Variants in TBC1D10B observed in about 807,000 individuals in gnomAD.
The protein encoded by TBC1D10B is TBC1 domain family member 10B.
In TBC1D10B, 25 loss-of-function variants were observed where a neutral mutation model predicts 78.4. That is an observed-to-expected ratio of 0.32 (90% CI 0.23 to 0.45). The LOEUF (loss-of-function observed/expected upper bound fraction) is 0.45. TBC1D10B is among the 20% of genes least tolerant of loss of function. The pLI is 1.00. For synonymous variants in TBC1D10B, 517 were observed against 478.0 expected, an observed-to-expected ratio of 1.08 and a Z score of -1.06; for missense variants, 996 against 1,104.8, an observed-to-expected ratio of 0.90 and a Z score of 1.40.
intron 7 of TBC1D10B, 139 bp downstream of exon 7, chr16:30,359,033 C>T: frequency 7.8e-7 from 1 of 1,279,180 alleles, no homozygotes; most frequent in Middle Eastern, 2.8e-4. Flanking sequence ...AGGCCTGTTT[C>T]TCCAGCCCCC....
rs374390807 is a variant in TBC1D10B at position 30,370,028 on chromosome 16, C to A, written c.156G>T (p.Leu52=). 8.1e-7 allele frequency: 1 copy of A among 1,231,312 alleles called. No individual in the cohort carries two copies. Among genetic ancestry groups the A allele is most frequent in the South Asian group, 4.0e-5 (1 of 25,012 alleles). The allele number at this position is 1,231,312 out of a possible 1,614,324, so 76.3% of individuals were successfully genotyped here. The change falls in exon 1 of 9, where the codon CTG becomes CTT. Residue 52 remains leucine (L), a synonymous_variant. Transcript: ENST00000409939. ...CGGGCCGCGCCTCCCCGGGGGCCAC[C>A]AGGGTGACGGGGGCCGAAGTGGCCG... ...VTTATSAPVT[L]VAPGEARPAW... is the part of the protein sequence containing the mutation.
Position 30,365,469 on chromosome 16 carries a change from C to T in TBC1D10B, c.1056+26G>A, listed in dbSNP as rs529369979. 4.3e-6 allele frequency: 7 copies of T among 1,612,646 alleles called. No homozygotes were observed. In the South Asian group the frequency reaches 6.6e-5, roughly 15 times the overall value. ...GCTACCCCTCCCAACTTGTGCATTG[C>T]CCTGCCCACCATTCAGCCCTCAAAC... On this transcript the variant is annotated intron_variant, in intron 2 of 8. Transcript: ENST00000409939. The surrounding 1 kb of genome is among the most constrained non-coding windows in gnomAD (Gnocchi z 5.0).
At position 30,365,798 on chromosome 16, in the gene TBC1D10B, G is replaced by A; in HGVS notation, c.957-204C>T. On this transcript the variant is annotated intron_variant, in intron 1 of 8. Transcript: ENST00000409939. This position sits in a 1 kb window ranked among gnomAD's most constrained non-coding sequence, Gnocchi z 5.0. ...TTCCCTGATGGATCTCTATTCAGAG[G>A]TCATATTTAAATCTCACTTCTGACA... 1.8e-6 allele frequency: 1 copy of A among 562,304 alleles called. No individual in the cohort carries two copies. The highest frequency in any genetic ancestry group is 3.2e-6 in the Non-Finnish European group (1 of 312,100). The allele number at this position is 562,304 out of a possible 1,614,324, so 34.8% of individuals were successfully genotyped here. A position where few individuals can be genotyped will look rare whatever the true frequency, so the allele number is the denominator to read the frequency against.
rs534581560 is a variant in TBC1D10B, at chr16:30,369,737, G to A, written c.447C>T (p.Pro149=). 6.8e-7 allele frequency: 1 copy of A among 1,465,388 alleles called. No homozygotes were observed. The highest frequency in any genetic ancestry group is 1.4e-5 in the African/African-American group (1 of 69,322). 90.8% of individuals were successfully genotyped at this position (1,465,388 alleles called of 1,614,324 possible). ...RPSPAPGPGT[P]TGTPTRTPSR... Reference sequence around the variant, plus strand: ...AAGGGGTCCTGGTAGGGGTCCCGGTGGGGGTCCCTGGTCCTGGGGCGGGTG... The same window carrying A: ...AAGGGGTCCTGGTAGGGGTCCCGGTAGGGGTCCCTGGTCCTGGGGCGGGTG... Residue 149 remains proline, a synonymous_variant, in exon 1 of 9, where the codon CCC becomes CCT. Transcript: ENST00000409939. This position sits in a 1 kb window ranked among gnomAD's most constrained non-coding sequence, Gnocchi z 4.3.
rs1269056655 is a variant in TBC1D10B, at chr16:30,359,367, G to C, written c.1453-6C>G. 1 of 1,559,750 alleles carries C rather than the reference G, an allele frequency of 6.4e-7. No individual in the cohort carries two copies. The highest frequency in any genetic ancestry group is 1.9e-5 in the Admixed American group (1 of 51,556). ...CCGTCCAGCTGAATGGCCTCCTGCAGGTGGGACAAGCCATGAGAAGAGGGC... is the reference window on the plus strand; with the variant it reads ...CCGTCCAGCTGAATGGCCTCCTGCACGTGGGACAAGCCATGAGAAGAGGGC... On this transcript the variant is annotated splice_polypyrimidine_tract_variant and splice_region_variant and intron_variant, in intron 6 of 8. Transcript: ENST00000409939.
Position 30,365,714 on chromosome 16 carries a change from T to C in TBC1D10B, c.957-120A>G. On this transcript the variant is annotated intron_variant, in intron 1 of 8. Coordinates refer to ENST00000409939, the MANE Select transcript of TBC1D10B (RefSeq NM_015527.4). The surrounding 1 kb of genome is among the most constrained non-coding windows in gnomAD (Gnocchi z 5.0). Reference sequence around the variant, plus strand: ...ACGAGAAACTGGATAGTCTGTGAGCTGCCAAACATCAGGATGTCTGGCCAC... The same window carrying C: ...ACGAGAAACTGGATAGTCTGTGAGCCGCCAAACATCAGGATGTCTGGCCAC... 1.1e-6 allele frequency: 1 copy of C among 938,348 alleles called. No individual in the cohort carries two copies. Among genetic ancestry groups the C allele is most frequent in the Admixed American group, 2.0e-5 (1 of 50,130 alleles). 58.1% of individuals were successfully genotyped at this position (938,348 alleles called of 1,614,324 possible).
chr16:30,361,874 A>G lies in TBC1D10B; in HGVS notation c.1272-2033T>C, dbSNP rs2049601326. 1.4e-5 allele frequency among the ~76,000 whole-genome samples: 2 copies of G among 144,914 alleles called. 1 individual carries two copies. The highest frequency in any genetic ancestry group is 1.4e-4 in the Admixed American group (2 of 14,722). On this transcript the variant is annotated intron_variant, in intron 4 of 8. Coordinates refer to ENST00000409939, the MANE Select transcript of TBC1D10B (RefSeq NM_015527.4). ...CTAATTTTTTTTTTTTTGAGACAGA[A>G]TCTCCTCTGTCGCCCAGGCTGGAGT...
Position 30,369,511 on chromosome 16 carries a change from C to T in TBC1D10B, c.673G>A (p.Glu225Lys). 1 of 1,551,174 alleles carries T rather than the reference C, an allele frequency of 6.4e-7. No homozygotes were observed. Among genetic ancestry groups the T allele is most frequent in the African/African-American group, 1.4e-5 (1 of 73,154 alleles). ...GPGTGPSGTC[E>K]APVAVVTVTP... ...ACGGTCACGACAGCTACCGGAGCCT[C>T]ACAAGTCCCAGAGGGGCCTGTGCCA... The change falls in exon 1 of 9, where the codon GAG becomes AAG. Residue 225 changes from glutamate (E) to lysine (K), a missense_variant. Physicochemically the swap from Glu to Lys is moderately conservative, Grantham distance 56 (BLOSUM62 1). Transcript: ENST00000409939. This position sits in a 1 kb window ranked among gnomAD's most constrained non-coding sequence, Gnocchi z 4.3.
At chr16:30,364,855 C>G in intron 4 of TBC1D10B, 45 bp downstream of exon 4, 1 of 1,542,588 alleles carries the variant, frequency 6.5e-7, no homozygotes, top group Non-Finnish European at 8.8e-7. Context: ...GGTGGATCCT[C>G]CAGCCAATGT....
In TBC1D10B at chr16:30,369,587, G is replaced by A. The variant is rs918449444; in HGVS notation, c.597C>T (p.Ala199=). The change falls in exon 1 of 9, where the codon GCC becomes GCT. Residue 199 remains alanine (A), a synonymous_variant. Coordinates refer to ENST00000409939, the MANE Select transcript of TBC1D10B (RefSeq NM_015527.4). The surrounding 1 kb of genome is among the most constrained non-coding windows in gnomAD (Gnocchi z 4.3). ...GTCCTGCTGATGCTGATGTTGCTGCGGCAGCTCCATGCCCACCTGTCACTT... is the reference window on the plus strand; with the variant it reads ...GTCCTGCTGATGCTGATGTTGCTGCAGCAGCTCCATGCCCACCTGTCACTT... ...SGQVTGGHGA[A]AATSASAGQA... 1.3e-6 allele frequency: 2 copies of A among 1,529,786 alleles called. No individual in the cohort carries two copies. Among genetic ancestry groups the A allele is most frequent in the African/African-American group, 2.8e-5 (2 of 72,300 alleles). The allele number at this position is 1,529,786 out of a possible 1,614,324, so 94.8% of individuals were successfully genotyped here.
At position 30,358,021 on chromosome 16, in the gene TBC1D10B, T is replaced by C. The variant is rs2049566460; in HGVS notation, c.2350A>G (p.Lys784Glu). The C allele has an allele frequency of 4.5e-6, 7 of 1,551,812 alleles. No individual in the cohort carries two copies. The highest frequency in any genetic ancestry group is 6.1e-6 in the Non-Finnish European group (7 of 1,146,992). The change falls in exon 9 of 9, where the codon AAG becomes GAG. Residue 784 changes from lysine (K) to glutamate (E), a missense_variant. Coordinates refer to ENST00000409939, the MANE Select transcript of TBC1D10B (RefSeq NM_015527.4). ...AQGRKLSLRR[K>E]ADGPPGPHDG... ...TGGGGGCCTGGGGGCCCATCTGCCT[T>C]TCGACGCAGCGAAAGCTTCCGGCCT...
rs199977791 is a variant in TBC1D10B, at chr16:30,358,643, C to T, written c.1797+20G>A. ...AGCGGGCTGAGGCAGGCAGGGGCTG[C>T]GTTGAGGGCACAGGCCTACCTCATG... On this transcript the variant is annotated intron_variant, in intron 8 of 8. Coordinates refer to ENST00000409939, the MANE Select transcript of TBC1D10B (RefSeq NM_015527.4). 3.9e-5 allele frequency: 62 copies of T among 1,593,094 alleles called. 1 individual carries two copies. The Admixed American group carries it at 5.7e-4, about 15-fold the overall frequency.
At position 30,358,442 on chromosome 16, in the gene TBC1D10B, G is replaced by A. The variant is rs368427349; in HGVS notation, c.1929C>T (p.His643=). 2.9e-5 allele frequency: 46 copies of A among 1,589,220 alleles called. No homozygotes were observed. Among genetic ancestry groups the A allele is most frequent in the Middle Eastern group, 3.3e-4 (2 of 6,056 alleles). ...GTGGCTGTTGCCGCCGGCGCTCCTCGTGGATGGCCCGGGACCCATGCAGTC... is the reference window on the plus strand; with the variant it reads ...GTGGCTGTTGCCGCCGGCGCTCCTCATGGATGGCCCGGGACCCATGCAGTC... ...SRRLHGSRAI[H]EERRRQQPPL... The change falls in exon 9 of 9, where the codon CAC becomes CAT. Residue 643 remains histidine (H), a synonymous_variant. Coordinates refer to ENST00000409939, the MANE Select transcript of TBC1D10B (RefSeq NM_015527.4).
In TBC1D10B at chr16:30,370,438, AGCCGCCGACCTCGCGCCTGCGCACAC is replaced by A. The variant is rs1208764843; in HGVS notation, c.-281_-256del. Among the ~76,000 whole-genome samples the A allele has an allele frequency of 6.6e-6, 1 of 151,828 alleles. No individual in the cohort carries two copies. Among genetic ancestry groups the A allele is most frequent in the Non-Finnish European group, 1.5e-5 (1 of 67,928 alleles). On this transcript the variant is annotated 5_prime_UTR_variant, in exon 1 of 9. Transcript: ENST00000409939. ...GCCCCCTCCCTCCTGCTTGGGGGCG[AGCCGCCGACCTCGCGCCTGCGCACAC>A]GCCGCAGAGCCGGCTCCGCGCCAGC...
At position 30,365,304 on chromosome 16, in the gene TBC1D10B, C is replaced by T. The variant is rs2049628127; in HGVS notation, c.1057-92G>A. The T allele has an allele frequency of 4.6e-6, 6 of 1,295,284 alleles. No homozygotes were observed. Among genetic ancestry groups the T allele is most frequent in the Non-Finnish European group, 2.2e-6 (2 of 906,230 alleles). The allele number at this position is 1,295,284 out of a possible 1,614,324, so 80.2% of individuals were successfully genotyped here. A position where few individuals can be genotyped will look rare whatever the true frequency, so the allele number is the denominator to read the frequency against. On this transcript the variant is annotated intron_variant, in intron 2 of 8. Coordinates refer to ENST00000409939, the MANE Select transcript of TBC1D10B (RefSeq NM_015527.4). This position sits in a 1 kb window ranked among gnomAD's most constrained non-coding sequence, Gnocchi z 5.0. ...GTCCACAAACTCCCTGGATACTCCTCCGACATCCCATAGGCTTGATTCCAC... is the reference window on the plus strand; with the variant it reads ...GTCCACAAACTCCCTGGATACTCCTTCGACATCCCATAGGCTTGATTCCAC...
chr16:30,361,851 A>G (rs76901864), intron 4 of TBC1D10B, among the ~76,000 whole-genome samples: 1 of 146,054 alleles, frequency 6.8e-6, no homozygotes, highest in Non-Finnish European at 1.5e-5. Context: ...ACACCAAGCT[A>G]ATTTTTTTTT....
chr16:30,365,722 A>C lies in TBC1D10B; in HGVS notation c.957-128T>G. On this transcript the variant is annotated intron_variant, in intron 1 of 8. Coordinates refer to ENST00000409939, the MANE Select transcript of TBC1D10B (RefSeq NM_015527.4). The surrounding 1 kb of genome is among the most constrained non-coding windows in gnomAD (Gnocchi z 5.0). ...CTGGATAGTCTGTGAGCTGCCAAAC[A>C]TCAGGATGTCTGGCCACTTGGGCAT... 1.2e-6 allele frequency: 1 copy of C among 862,036 alleles called. No individual in the cohort carries two copies. Among genetic ancestry groups the C allele is most frequent in the Non-Finnish European group, 1.9e-6 (1 of 540,068 alleles). The allele number at this position is 862,036 out of a possible 1,614,324, so 53.4% of individuals were successfully genotyped here. A position where few individuals can be genotyped will look rare whatever the true frequency, so the allele number is the denominator to read the frequency against.
At chr16:30,368,935 G>A (rs1395402160) in intron 1 of TBC1D10B, among the ~76,000 whole-genome samples, 1 of 152,152 alleles carries the variant, frequency 6.6e-6, no homozygotes, top group Non-Finnish European at 1.5e-5. Flanking sequence ...CCACTTTATA[G>A]AGGAAAAAAC....
At chr16:30,359,101 AAT>A (rs1360758213) in intron 7 of TBC1D10B, 69 bp downstream of exon 7, 28 of 1,502,642 alleles carry the variant, frequency 1.9e-5, no homozygotes, top group East Asian at 7.3e-5. Flanking sequence ...GACCACCAGA[AAT>A]ATGACAGAAC....
Sources: gnomAD v4.1 joint callset for allele counts (sites outside exome capture counted in the v4.1 genomes callset) on GRCh38, gnomAD v4.1.1 for gene constraint, Gnocchi (gnomAD v3.1) non-coding constraint, MANE v1.5 for transcripts, NCBI Gene and HGNC (gene_info 2026-07-23, HGNC 2026-07-21) for gene names.